KCNG3: variants seen among roughly 807,000 people sequenced by gnomAD.
KCNG3 encodes the protein potassium voltage-gated channel modifier subfamily G member 3.
In KCNG3, 15 loss-of-function variants were observed where a neutral mutation model predicts 29.0. That is an observed-to-expected ratio of 0.52 (90% CI 0.35 to 0.80). KCNG3 has a LOEUF of 0.80. Ranked by LOEUF, KCNG3 falls within the 30% of genes least tolerant of loss-of-function variation. The probability of loss-of-function intolerance (pLI) is 0.01; values close to 1 mark genes in which losing one functional copy is unlikely to be tolerated. For missense variants in KCNG3, 512 were observed against 605.7 expected (o/e 0.85, Z 1.62); for synonymous variants, 322 against 248.9 (o/e 1.29, Z -2.76).
the KCNG3 span, among the ~76,000 whole-genome samples, chr2:42,410,697 T>TA: frequency 1.3e-5 from 2 of 152,258 alleles, no homozygotes; most frequent in African/African-American, 2.4e-5. Context: ...TTTTAGTTTT[T>TA]AAAAAACATT....
intron 1 of KCNG3, among the ~76,000 whole-genome samples, chr2:42,462,516 T>A (rs1673044997): frequency 6.6e-6 from 1 of 152,062 alleles, no homozygotes; most frequent in Non-Finnish European, 1.5e-5. Flanking sequence ...ACCCCGTCTC[T>A]ACTAAAAATA....
intron 1 of KCNG3, among the ~76,000 whole-genome samples, chr2:42,468,032 G>C (rs1165032222): frequency 6.7e-6 from 1 of 149,310 alleles, no homozygotes; most frequent in Non-Finnish European, 1.5e-5. Flanking sequence ...GTACAAGAGA[G>C]AAAAACTGTA....
intron 1 of KCNG3, among the ~76,000 whole-genome samples, chr2:42,473,176 G>A (rs1332664922): frequency 6.6e-6 from 1 of 151,896 alleles, no homozygotes; most frequent in African/African-American, 2.4e-5. Context: ...GATTACAGGT[G>A]TGAGCCACCG....
intron 1 of KCNG3, among the ~76,000 whole-genome samples, chr2:42,450,495 G>C (rs754981716): frequency 6.6e-6 from 1 of 152,080 alleles, no homozygotes; most frequent in African/African-American, 2.4e-5. Flanking sequence ...CAAACAATTG[G>C]GTATTCCCGG....
At position 42,472,117 on chromosome 2, in the gene KCNG3, A is replaced by G. The variant is rs1029810036; in HGVS notation, c.665+20720T>C. On this transcript the variant is annotated intron_variant, in intron 1 of 1. Transcript: ENST00000306078. Reference sequence around the variant, plus strand: ...TTTTCAATACAGCAACTCCAATCCTAGGTAGATGCATTAAAGAAGGTCTCC... The same window carrying G: ...TTTTCAATACAGCAACTCCAATCCTGGGTAGATGCATTAAAGAAGGTCTCC... 5.7e-4 allele frequency among the ~76,000 whole-genome samples: 87 copies of G among 152,208 alleles called. 2 individuals are homozygous for G. Among genetic ancestry groups the G allele is most frequent in the Non-Finnish European group, 1.5e-4 (10 of 68,034 alleles).
the KCNG3 span, among the ~76,000 whole-genome samples, chr2:42,400,248 A>T: frequency 6.6e-6 from 1 of 152,198 alleles, no homozygotes; most frequent in Non-Finnish European, 1.5e-5. Flanking sequence ...AAACACAAGC[A>T]ACCACTCACA....
In KCNG3 at chr2:42,458,733, G is replaced by A. The variant is rs373280135; in HGVS notation, c.666-14154C>T. 2.6e-3 allele frequency among the ~76,000 whole-genome samples: 399 copies of A among 152,056 alleles called. 1 individual carries two copies. The highest frequency in any genetic ancestry group is 8.8e-3 in the African/African-American group (364 of 41,482). ...TTGCAAGGAGTTCTGTCCTGCTAGTGTGAGCTTGTAGAGACAGACTTTAAA... is the reference window on the plus strand; with the variant it reads ...TTGCAAGGAGTTCTGTCCTGCTAGTATGAGCTTGTAGAGACAGACTTTAAA... On this transcript the variant is annotated intron_variant, in intron 1 of 1. Transcript: ENST00000306078.
intron 1 of KCNG3, among the ~76,000 whole-genome samples, chr2:42,491,413 G>A (rs111281374): frequency 6.7e-4 from 101 of 151,692 alleles, no homozygotes; most frequent in African/African-American, 2.3e-3. Context: ...TGTTTCCTTT[G>A]CTAATGTAGC....
In KCNG3 at chr2:42,467,896, G is replaced by A. The variant is rs116628065; in HGVS notation, c.666-23317C>T. 6.5e-3 allele frequency among the ~76,000 whole-genome samples: 965 copies of A among 149,338 alleles called. 9 individuals are homozygous for A. The highest frequency in any genetic ancestry group is 0.023 in the African/African-American group (929 of 40,476). ...GAGGTGGGAGGATCACCCGAGCCTG[G>A]AGAGATTGAGGCTGCAGTGAGCCAT... On this transcript the variant is annotated intron_variant, in intron 1 of 1. Coordinates refer to ENST00000306078, the MANE Select transcript of KCNG3 (RefSeq NM_133329.6).
At chr2:42,490,216 C>A (rs983271387) in intron 1 of KCNG3, among the ~76,000 whole-genome samples, 1 of 152,094 alleles carries the variant, frequency 6.6e-6, no homozygotes, top group African/African-American at 2.4e-5. Flanking sequence ...TAAAAAATCT[C>A]TTTTATTTTG....
At chr2:42,441,637 C>T (rs1051036147), downstream of KCNG3, among the ~76,000 whole-genome samples, 11 of 72,314 alleles carry the variant, frequency 1.5e-4, no homozygotes, top group African/African-American at 5.2e-4. Flanking sequence ...GAATCACCAA[C>T]AAGAGATTTC....
At chr2:42,427,510 G>T in the KCNG3 span, among the ~76,000 whole-genome samples, 1 of 151,910 alleles carries the variant, frequency 6.6e-6, no homozygotes, top group Non-Finnish European at 1.5e-5. Context: ...GGAGGCTGAG[G>T]TGGGAGCATC....
At chr2:42,423,530 T>G in the KCNG3 span, among the ~76,000 whole-genome samples, 1 of 152,218 alleles carries the variant, frequency 6.6e-6, no homozygotes, top group African/African-American at 2.4e-5. Context: ...CACTTTCTCT[T>G]GCTTTGGTAC....
intron 1 of KCNG3, among the ~76,000 whole-genome samples, chr2:42,460,898 A>G (rs1033227629): frequency 4.6e-5 from 7 of 152,162 alleles, no homozygotes; most frequent in South Asian, 2.1e-4. Flanking sequence ...GCGGTGGCTC[A>G]TATCTGTAAT....
chr2:42,467,119 T>C (rs1673160927), intron 1 of KCNG3, among the ~76,000 whole-genome samples: 1 of 152,086 alleles, frequency 6.6e-6, no homozygotes. Flanking sequence ...ATGTGAAAAT[T>C]TAGGTGAAAT....
At chr2:42,393,464 G>C in the KCNG3 span, among the ~76,000 whole-genome samples, 1 of 152,074 alleles carries the variant, frequency 6.6e-6, no homozygotes, top group Non-Finnish European at 1.5e-5. Context: ...TGGAGGCTGA[G>C]GCAGGAGAAC....
chr2:42,474,011 G>T (rs1224832343), intron 1 of KCNG3, among the ~76,000 whole-genome samples: 1 of 151,754 alleles, frequency 6.6e-6, no homozygotes, highest in Non-Finnish European at 1.5e-5. Context: ...AATTAGCTGG[G>T]TGTGGTGGTA....
chr2:42,467,722 C>T (rs538829056), intron 1 of KCNG3, among the ~76,000 whole-genome samples: 1 of 150,416 alleles, frequency 6.6e-6, no homozygotes, highest in East Asian at 1.9e-4. Flanking sequence ...GTAATCCTAG[C>T]GCTTTGGGAG....
chr2:42,480,821 T>C (rs1015050382), intron 1 of KCNG3, among the ~76,000 whole-genome samples: 9 of 151,636 alleles, frequency 5.9e-5, no homozygotes, highest in Non-Finnish European at 1.2e-4. Flanking sequence ...TCTTGCTCTG[T>C]TGCCCAGGCT....
Sources: allele counts gnomAD v4.1 joint callset (sites outside exome capture counted in the v4.1 genomes callset), GRCh38; gene constraint gnomAD v4.1.1; transcripts MANE v1.5; gene names NCBI Gene and HGNC (gene_info 2026-07-23, HGNC 2026-07-21).